DYNC2H1: variants seen among roughly 807,000 people sequenced by gnomAD.
DYNC2H1 encodes the protein dynein cytoplasmic 2 heavy chain 1.
In DYNC2H1, 410 loss-of-function variants were observed where a neutral mutation model predicts 570.0. The ratio of observed to expected loss-of-function variants is 0.72; its 90% CI spans 0.66 to 0.78. The LOEUF (loss-of-function observed/expected upper bound fraction) is 0.78, where lower values mean the gene tolerates loss of function less well. DYNC2H1 is among the 30% of genes least tolerant of loss of function. The pLI, the probability that DYNC2H1 is intolerant of heterozygous loss-of-function variation, is 0.00. For synonymous variants in DYNC2H1, 1,688 were observed against 1,677.6 expected, an observed-to-expected ratio of 1.01 and a Z score of -0.15; for missense variants, 4,865 against 5,046.4, an observed-to-expected ratio of 0.96 and a Z score of 1.09.
At chr11:103,307,937 T>C in intron 78 of DYNC2H1, 106 bp downstream of exon 78, 1 of 505,744 alleles carries the variant, frequency 2.0e-6, no homozygotes, top group South Asian at 5.3e-5. Context: ...CAACTTCTTT[T>C]TACATTTAGA....
At chr11:103,393,982 G>T (rs1157523744) in intron 83 of DYNC2H1, among the ~76,000 whole-genome samples, 1 of 152,018 alleles carries the variant, frequency 6.6e-6, no homozygotes, top group African/African-American at 2.4e-5. Flanking sequence ...CTCCCACTGG[G>T]TCCCTCCCAC....
chr11:103,451,316 T>G (rs1481720823), intron 85 of DYNC2H1, among the ~76,000 whole-genome samples: 1 of 143,464 alleles, frequency 7.0e-6, no homozygotes, highest in Non-Finnish European at 1.5e-5. Context: ...AATCACTGAG[T>G]AAAAGGGCTT....
chr11:103,416,606 A>G (rs1315878323), intron 84 of DYNC2H1, among the ~76,000 whole-genome samples: 2 of 152,210 alleles, frequency 1.3e-5, no homozygotes, highest in African/African-American at 2.4e-5. Context: ...CTGGCTAGCC[A>G]TATACAGAAA....
intron 15 of DYNC2H1, among the ~76,000 whole-genome samples, chr11:103,134,856 G>A (rs1050041101): frequency 1.3e-5 from 2 of 151,998 alleles, no homozygotes; most frequent in African/African-American, 4.8e-5. Context: ...AATAGTTGAT[G>A]CATATAAAGG....
At position 103,245,475 on chromosome 11, in the gene DYNC2H1, C is replaced by A. The variant is rs1368833822; in HGVS notation, c.10042+101C>A. ...TTCAAGAGTCCTCTTCCAGTGGAGTCACACATGATGGGCTTACTTCCTTCA... is the reference window on the plus strand; with the variant it reads ...TTCAAGAGTCCTCTTCCAGTGGAGTAACACATGATGGGCTTACTTCCTTCA... On this transcript the variant is annotated intron_variant, in intron 65 of 88. Transcript: ENST00000375735. This position sits in a 1 kb window ranked among gnomAD's most constrained non-coding sequence, Gnocchi z 4.5. 2 of 1,171,404 alleles carry A rather than the reference C, an allele frequency of 1.7e-6. No homozygotes were observed. Among genetic ancestry groups the A allele is most frequent in the Non-Finnish European group, 2.4e-6 (2 of 844,644 alleles). The allele number at this position is 1,171,404 out of a possible 1,614,324, so 72.6% of individuals were successfully genotyped here. A position where few individuals can be genotyped will look rare whatever the true frequency, so the allele number is the denominator to read the frequency against.
intron 83 of DYNC2H1, among the ~76,000 whole-genome samples, chr11:103,381,533 T>C (rs1396470619): frequency 6.6e-6 from 1 of 152,190 alleles, no homozygotes; most frequent in Non-Finnish European, 1.5e-5. Flanking sequence ...CACTGCAACC[T>C]CCACCTCCCG....
intron 84 of DYNC2H1, among the ~76,000 whole-genome samples, chr11:103,413,617 T>C (rs1384496067): frequency 1.3e-5 from 2 of 152,222 alleles, no homozygotes; most frequent in Non-Finnish European, 2.9e-5. Flanking sequence ...GTGTTTGTTA[T>C]AAGATGCAGT....
At chr11:103,130,499 A>T (rs1473362212) in intron 13 of DYNC2H1, among the ~76,000 whole-genome samples, 2 of 152,208 alleles carry the variant, frequency 1.3e-5, no homozygotes. Context: ...AGAGATTAAC[A>T]TGAGTTTATA....
rs557220510 is a variant in DYNC2H1, at chr11:103,352,981, G to A, written c.12040-5262G>A. Reference sequence around the variant, plus strand: ...ACTATACAGCCATAAAAAGAAATGAGATCATGTCCTTTGCAGGGACATGAA... The same window carrying A: ...ACTATACAGCCATAAAAAGAAATGAAATCATGTCCTTTGCAGGGACATGAA... On this transcript the variant is annotated intron_variant, in intron 82 of 88. Coordinates refer to ENST00000375735, the MANE Select transcript of DYNC2H1 (RefSeq NM_001377.3). Among the ~76,000 whole-genome samples the A allele has an allele frequency of 1.8e-4, 27 of 152,264 alleles. No individual in the cohort carries two copies. The East Asian group carries it at 4.8e-3, about 27-fold the overall frequency.
At chr11:103,462,642 TAAAG>T (rs1357230433) in intron 87 of DYNC2H1, among the ~76,000 whole-genome samples, 1 of 152,204 alleles carries the variant, frequency 6.6e-6, no homozygotes, top group African/African-American at 2.4e-5. Flanking sequence ...TTGTTGAAAA[TAAAG>T]AATACCTAAT....
At chr11:103,397,754 G>A (rs555558310) in intron 83 of DYNC2H1, among the ~76,000 whole-genome samples, 54 of 152,278 alleles carry the variant, frequency 3.5e-4, no homozygotes, top group African/African-American at 1.3e-3. Context: ...AATTAGCTGG[G>A]TGTGGTGATG....
chr11:103,370,577 G>A (rs1941105409), intron 83 of DYNC2H1, among the ~76,000 whole-genome samples: 1 of 152,178 alleles, frequency 6.6e-6, no homozygotes, highest in Non-Finnish European at 1.5e-5. Context: ...GGTAGCCACA[G>A]GAGTGCTTGT....
At chr11:103,455,145 AGTGT>A (rs761977280) in intron 85 of DYNC2H1, 37 bp from the exon 86 acceptor site, 44 of 1,440,108 alleles carry the variant, frequency 3.1e-5, no homozygotes, top group Middle Eastern at 3.5e-4. Context: ...TTGACTTATA[AGTGT>A]GTGTGTATTT....
At chr11:103,258,050 A>G (rs949572022) in intron 69 of DYNC2H1, among the ~76,000 whole-genome samples, 1 of 152,192 alleles carries the variant, frequency 6.6e-6, no homozygotes, top group African/African-American at 2.4e-5. Flanking sequence ...AAAAATAAGA[A>G]TTATCCCTAT....
intron 58 of DYNC2H1, 112 bp downstream of exon 58, chr11:103,222,265 TA>T (rs1863617420): frequency 2.7e-6 from 2 of 741,396 alleles, no homozygotes; most frequent in South Asian, 7.0e-5. Context: ...AAAATGAAAA[TA>T]AAAAATAAGC....
chr11:103,281,439 A>G (rs1789588046), intron 71 of DYNC2H1, among the ~76,000 whole-genome samples: 1 of 152,040 alleles, frequency 6.6e-6, no homozygotes. Flanking sequence ...GACTCACATA[A>G]TGTAGTAGTA....
At position 103,243,072 on chromosome 11, in the gene DYNC2H1, G is replaced by A. The variant is rs1386333316; in HGVS notation, c.9820-621G>A. ...ATTTAGTTTTTAGTTCATTTCATTA[G>A]ATCTTAACCTACAGCCCATGTAATT... On this transcript the variant is annotated intron_variant, in intron 63 of 88. Coordinates refer to ENST00000375735, the MANE Select transcript of DYNC2H1 (RefSeq NM_001377.3). The surrounding 1 kb of genome is among the most constrained non-coding windows in gnomAD (Gnocchi z 4.8). Among the ~76,000 whole-genome samples the A allele has an allele frequency of 6.6e-6, 1 of 151,922 alleles. No homozygotes were observed. Among genetic ancestry groups the A allele is most frequent in the Non-Finnish European group, 1.5e-5 (1 of 67,994 alleles).
chr11:103,243,596 A>G lies in DYNC2H1; in HGVS notation c.9820-97A>G. On this transcript the variant is annotated intron_variant, in intron 63 of 88. Coordinates refer to ENST00000375735, the MANE Select transcript of DYNC2H1 (RefSeq NM_001377.3). The surrounding 1 kb of genome is among the most constrained non-coding windows in gnomAD (Gnocchi z 4.8). ...TCTCCAAAGCTTGAGAGAAAAGATC[A>G]TTTAGTAATTGATTTATAATTTCTA... 1 of 950,330 alleles carries G rather than the reference A, an allele frequency of 1.1e-6. No individual in the cohort carries two copies. Among genetic ancestry groups the G allele is most frequent in the African/African-American group, 1.7e-5 (1 of 60,044 alleles). The allele number at this position is 950,330 out of a possible 1,614,324, so 58.9% of individuals were successfully genotyped here.
At chr11:103,178,317 CT>C in intron 38 of DYNC2H1, among the ~76,000 whole-genome samples, 1 of 152,022 alleles carries the variant, frequency 6.6e-6, no homozygotes, top group Non-Finnish European at 1.5e-5. Context: ...AGACTCCCTA[CT>C]TTTTGCCAGG....
Sources: allele counts gnomAD v4.1 joint callset (sites outside exome capture counted in the v4.1 genomes callset), GRCh38; gene constraint gnomAD v4.1.1; non-coding constraint Gnocchi (gnomAD v3.1); transcripts MANE v1.5; gene names NCBI Gene and HGNC (gene_info 2026-07-23, HGNC 2026-07-21).